The following SNCAIP variants were observed in gnomAD, a reference collection of about 807,000 sequenced individuals.
The protein encoded by SNCAIP is synphilin-1.
A neutral mutation model predicts 86.7 loss-of-function variants in SNCAIP; 43 were observed. That is an observed-to-expected ratio of 0.50 (90% CI 0.39 to 0.64). The LOEUF is 0.64. SNCAIP is among the 30% of genes least tolerant of loss of function. The pLI is 0.00. For synonymous variants in SNCAIP, 417 were observed against 427.2 expected (o/e 0.98, Z 0.29); for missense variants, 981 against 1,103.1 (o/e 0.89, Z 1.57).
chr5:122,373,678 A>C (rs1936659601), intron 1 of SNCAIP, among the ~76,000 whole-genome samples: 1 of 152,160 alleles, frequency 6.6e-6, no homozygotes, highest in Admixed American at 6.5e-5. Context: ...CCTTATTAAA[A>C]ACTTGGTGGT....
In SNCAIP at chr5:122,329,104, T is replaced by A. The variant is rs1181879225; in HGVS notation, c.-47+16820T>A. On this transcript the variant is annotated intron_variant, in intron 1 of 10. Transcript: ENST00000261368. ...CCATGTTTCATTCATGTCTGCCACA[T>A]TTTCAATGCTTAGCTTCATGTCTGG... is the stretch of plus-strand genomic sequence containing the variant. Among the ~76,000 whole-genome samples, 7 of 152,314 alleles carry A rather than the reference T, an allele frequency of 4.6e-5. No individual in the cohort carries two copies. In the East Asian group the frequency reaches 9.7e-4, roughly 21 times the overall value.
At chr5:122,357,481 G>A (rs897632387) in intron 1 of SNCAIP, among the ~76,000 whole-genome samples, 5 of 151,898 alleles carry the variant, frequency 3.3e-5, no homozygotes, top group Admixed American at 1.3e-4. Flanking sequence ...TGATCGGCCC[G>A]CCTCAGACTC....
chr5:122,377,514 G>A (rs1055176806), intron 1 of SNCAIP, among the ~76,000 whole-genome samples: 1 of 125,056 alleles, frequency 8.0e-6, no homozygotes, highest in East Asian at 2.6e-4. Context: ...GAGAGAGAGA[G>A]AGAGAGAAAG....
intron 2 of SNCAIP, among the ~76,000 whole-genome samples, chr5:122,397,512 A>T (rs540829304): frequency 4.6e-4 from 70 of 152,112 alleles, no homozygotes; most frequent in South Asian, 3.3e-3. Context: ...AAAAGAATTT[A>T]AAAAAAACTT....
At chr5:122,416,720 T>C (rs1214295853) in intron 3 of SNCAIP, among the ~76,000 whole-genome samples, 1 of 152,174 alleles carries the variant, frequency 6.6e-6, no homozygotes, top group African/African-American at 2.4e-5. Context: ...CTGCAGTAAG[T>C]GGGTGCAGTA....
chr5:122,434,961 G>T (rs549649773), intron 6 of SNCAIP, among the ~76,000 whole-genome samples: 1 of 152,092 alleles, frequency 6.6e-6, no homozygotes, highest in Non-Finnish European at 1.5e-5. Context: ...TATTTTAGCC[G>T]CTCTCTGCCC....
intron 2 of SNCAIP, among the ~76,000 whole-genome samples, chr5:122,392,099 A>G (rs1418205408): frequency 1.3e-5 from 2 of 152,198 alleles, no homozygotes; most frequent in Admixed American, 1.3e-4. Flanking sequence ...TTGTCTCAAA[A>G]TGATGAACTT....
chr5:122,315,668 A>G (rs1034898348), intron 1 of SNCAIP, among the ~76,000 whole-genome samples: 12 of 152,204 alleles, frequency 7.9e-5, no homozygotes, highest in African/African-American at 2.9e-4. Context: ...GTAATTGTCC[A>G]GTAAATCATT....
At chr5:122,355,768 G>A (rs956940072) in intron 1 of SNCAIP, among the ~76,000 whole-genome samples, 5 of 152,008 alleles carry the variant, frequency 3.3e-5, no homozygotes, top group African/African-American at 1.2e-4. Flanking sequence ...TCCTTATCTC[G>A]TTACAGTTGA....
chr5:122,339,685 A>G (rs1347688350), intron 1 of SNCAIP, among the ~76,000 whole-genome samples: 1 of 152,196 alleles, frequency 6.6e-6, no homozygotes, highest in Non-Finnish European at 1.5e-5. Context: ...TATTCTTGAT[A>G]TGCTTTTATA....
chr5:122,379,077 A>C (rs1179737395), intron 1 of SNCAIP, among the ~76,000 whole-genome samples: 4 of 83,200 alleles, frequency 4.8e-5, no homozygotes, highest in Non-Finnish European at 9.6e-5. Context: ...TCTGTGAAGA[A>C]AGTCATTGGT....
At chr5:122,433,401 C>T (rs1279643488) in intron 6 of SNCAIP, among the ~76,000 whole-genome samples, 1 of 152,084 alleles carries the variant, frequency 6.6e-6, no homozygotes, top group Non-Finnish European at 1.5e-5. Flanking sequence ...AACTCAGATT[C>T]TCTCACTTCA....
At chr5:122,458,720 T>A (rs1310682058) in intron 10 of SNCAIP, among the ~76,000 whole-genome samples, 1 of 152,196 alleles carries the variant, frequency 6.6e-6, no homozygotes, top group Non-Finnish European at 1.5e-5. Flanking sequence ...TTTTCAGCTC[T>A]AAGCCACACA....
At chr5:122,325,288 G>T (rs1449770065) in intron 1 of SNCAIP, among the ~76,000 whole-genome samples, 1 of 152,136 alleles carries the variant, frequency 6.6e-6, no homozygotes, top group African/African-American at 2.4e-5. Context: ...GGCCAATGGG[G>T]TGGATCAGCA....
intron 2 of SNCAIP, 80 bp from the exon 3 acceptor site, chr5:122,403,713 T>A: frequency 9.0e-7 from 1 of 1,109,952 alleles, no homozygotes; most frequent in Non-Finnish European, 1.4e-6. Context: ...ACTTATTGTG[T>A]TTTGTTTTTC....
At chr5:122,382,311 C>T (rs1279940890) in intron 1 of SNCAIP, among the ~76,000 whole-genome samples, 1 of 152,206 alleles carries the variant, frequency 6.6e-6, no homozygotes, top group Non-Finnish European at 1.5e-5. Context: ...ATTGCTGATA[C>T]CCTTTCTTCC....
intron 1 of SNCAIP, among the ~76,000 whole-genome samples, chr5:122,381,376 T>A (rs1766754601): frequency 7.1e-6 from 1 of 140,006 alleles, no homozygotes; most frequent in Admixed American, 7.3e-5. Context: ...CTGCCTTTTT[T>A]TGTTTTCCAT....
intron 1 of SNCAIP, among the ~76,000 whole-genome samples, chr5:122,313,302 G>A (rs1188740518): frequency 6.6e-6 from 1 of 152,160 alleles, no homozygotes; most frequent in African/African-American, 2.4e-5. Context: ...AGAGCCCGGA[G>A]GACGGGAGAA....
intron 1 of SNCAIP, among the ~76,000 whole-genome samples, chr5:122,347,914 T>C (rs1230325214): frequency 6.6e-6 from 1 of 152,148 alleles, no homozygotes; most frequent in Non-Finnish European, 1.5e-5. Context: ...AAGCTAAAAG[T>C]GTTTCCCTTT....
Sources: gnomAD v4.1 joint callset for allele counts (sites outside exome capture counted in the v4.1 genomes callset) on GRCh38, gnomAD v4.1.1 for gene constraint, MANE v1.5 for transcripts, NCBI Gene and HGNC (gene_info 2026-07-23, HGNC 2026-07-21) for gene names.